Variants in FLT1 observed in about 807,000 individuals in gnomAD.
The protein encoded by FLT1 is fms related receptor tyrosine kinase 1.
FLT1 carries 49 observed loss-of-function variants against 156.3 expected under a neutral mutation model. The observed-to-expected ratio is 0.31, with a 90% CI of 0.25 to 0.40. The LOEUF (loss-of-function observed/expected upper bound fraction) is 0.40, where lower values mean the gene tolerates loss of function less well. Among genes scored for constraint, FLT1 ranks in the 10% least tolerant of loss-of-function variants. The probability of loss-of-function intolerance (pLI) is 1.00; values close to 1 mark genes in which losing one functional copy is unlikely to be tolerated. For synonymous variants in FLT1, 594 were observed against 583.8 expected (o/e 1.02, Z -0.25); for missense variants, 1,322 against 1,637.2 (o/e 0.81, Z 3.32).
chr13:28,327,947 C>T (rs1446902209), intron 19 of FLT1, among the ~76,000 whole-genome samples: 1 of 152,124 alleles, frequency 6.6e-6, no homozygotes, highest in African/African-American at 2.4e-5. Flanking sequence ...TTAAGCAGCT[C>T]CTCCCTCCCT....
At chr13:28,330,752 C>T (rs1377640729) in intron 18 of FLT1, among the ~76,000 whole-genome samples, 5 of 151,572 alleles carry the variant, frequency 3.3e-5, no homozygotes, top group African/African-American at 7.3e-5. Context: ...CTCCCTCTGT[C>T]GCCCAGGCTG....
chr13:28,389,775 C>G (rs902567088), intron 13 of FLT1, 21 bp downstream of exon 13: 23 of 1,613,976 alleles, frequency 1.4e-5, no homozygotes, highest in Non-Finnish European at 1.9e-5. Context: ...GAGAAAACAG[C>G]CTTTTTGTTG....
At chr13:28,342,299 A>G (rs982053655) in intron 16 of FLT1, among the ~76,000 whole-genome samples, 3 of 151,940 alleles carry the variant, frequency 2.0e-5, no homozygotes, top group Non-Finnish European at 4.4e-5. Context: ...CCTTCCAGCT[A>G]CAGCCTTCAA....
intron 14 of FLT1, among the ~76,000 whole-genome samples, chr13:28,383,720 T>C (rs1009673352): frequency 2.0e-5 from 3 of 151,484 alleles, no homozygotes; most frequent in Admixed American, 6.6e-5. Context: ...TCCCAGCCAC[T>C]TGAGAGGCCG....
chr13:28,308,494 A>G, intron 28 of FLT1: 1 of 356,246 alleles, frequency 2.8e-6, no homozygotes. Flanking sequence ...TCTCTGTTAC[A>G]TCACAAAGCC....
At position 28,434,237 on chromosome 13, in the gene FLT1, A is replaced by G. The variant is rs1877893166; in HGVS notation, c.514-17T>C. Reference sequence around the variant, plus strand: ...AAGTGGAAACTGAAAAGGAAGAGGCATGCATTAACAAGGTCCTATTAGCAC... The same window carrying G: ...AAGTGGAAACTGAAAAGGAAGAGGCGTGCATTAACAAGGTCCTATTAGCAC... On this transcript the variant is annotated splice_polypyrimidine_tract_variant and intron_variant, in intron 4 of 29. Transcript: ENST00000282397. 3 of 1,613,282 alleles carry G rather than the reference A, an allele frequency of 1.9e-6. No homozygotes were observed. Among genetic ancestry groups the G allele is most frequent in the Admixed American group, 1.7e-5 (1 of 60,006 alleles).
intron 15 of FLT1, among the ~76,000 whole-genome samples, chr13:28,356,425 A>G (rs1317616656): frequency 6.6e-6 from 1 of 152,202 alleles, no homozygotes; most frequent in Non-Finnish European, 1.5e-5. Context: ...AGAAAAGTGA[A>G]CATAATATTT....
chr13:28,387,101 T>A, intron 13 of FLT1: 1 of 1,035,646 alleles, frequency 9.7e-7, no homozygotes, highest in Non-Finnish European at 1.2e-6. Context: ...TTAACATAAA[T>A]GTCATTAAGA....
At position 28,439,251 on chromosome 13, in the gene FLT1, G is replaced by A. The variant is rs575171089; in HGVS notation, c.389-906C>T. Among the ~76,000 whole-genome samples the A allele has an allele frequency of 2.6e-5, 4 of 152,230 alleles. No homozygotes were observed. Among genetic ancestry groups the A allele is most frequent in the East Asian group, 1.9e-4 (1 of 5,182 alleles). On this transcript the variant is annotated intron_variant, in intron 3 of 29. Coordinates refer to ENST00000282397, the MANE Select transcript of FLT1 (RefSeq NM_002019.4). This position sits in a 1 kb window ranked among gnomAD's most constrained non-coding sequence, Gnocchi z 4.1. ...GACATCCTCAGGCAACGATCTCTTCGGGAGTCATTGTGTTCTGATCGTCCC... is the reference window on the plus strand; with the variant it reads ...GACATCCTCAGGCAACGATCTCTTCAGGAGTCATTGTGTTCTGATCGTCCC...
At chr13:28,345,616 G>T in intron 15 of FLT1, 65 bp from the exon 16 acceptor site, 2 of 1,049,564 alleles carry the variant, frequency 1.9e-6, no homozygotes. Flanking sequence ...AATCTTTGTG[G>T]TTTTATAAAA....
At chr13:28,351,429 G>A (rs578164818) in intron 15 of FLT1, among the ~76,000 whole-genome samples, 22 of 152,200 alleles carry the variant, frequency 1.4e-4, no homozygotes, top group African/African-American at 2.9e-4. Flanking sequence ...CAAGATCCCC[G>A]AGCAACATAA....
intron 24 of FLT1, among the ~76,000 whole-genome samples, chr13:28,318,131 C>T (rs1871280304): frequency 2.0e-5 from 3 of 152,092 alleles, no homozygotes; most frequent in South Asian, 4.2e-4. Context: ...TTGGCTTGGG[C>T]TTCTTTTTAA....
At chr13:28,483,827 T>A (rs1371943008) in intron 1 of FLT1, among the ~76,000 whole-genome samples, 1 of 152,226 alleles carries the variant, frequency 6.6e-6, no homozygotes, top group East Asian at 1.9e-4. Context: ...TATGACAGTT[T>A]TTTTATTCCA....
At chr13:28,379,381 G>A (rs1398341213) in intron 14 of FLT1, among the ~76,000 whole-genome samples, 9 of 152,120 alleles carry the variant, frequency 5.9e-5, no homozygotes, top group Non-Finnish European at 1.2e-4. Flanking sequence ...GGAGAATAAC[G>A]TAGTGAGAGG....
rs78803191 is a variant in FLT1, at chr13:28,399,207, A to T, written c.1552-2139T>A. 207 of 799,322 alleles carry T rather than the reference A, an allele frequency of 2.6e-4. No homozygotes were observed. The East Asian group carries it at 4.1e-3, about 16-fold the overall frequency. 49.5% of individuals were successfully genotyped at this position (799,322 alleles called of 1,614,324 possible). On this transcript the variant is annotated intron_variant, in intron 11 of 29. Coordinates refer to ENST00000282397, the MANE Select transcript of FLT1 (RefSeq NM_002019.4). ...GACCCTTCAAAGCAGTATGCAAAAA[A>T]TTCAGAAACAAGGAGCTCAGATGAA...
At chr13:28,391,481 C>A (rs115605697) in intron 12 of FLT1, among the ~76,000 whole-genome samples, 23 of 152,332 alleles carry the variant, frequency 1.5e-4, no homozygotes, top group African/African-American at 5.5e-4. Flanking sequence ...GACCTGGAAG[C>A]CCCCTCCCCA....
chr13:28,384,448 C>CAAAAAAAAAAA (rs79860949), intron 14 of FLT1, among the ~76,000 whole-genome samples: 2 of 60,280 alleles, frequency 3.3e-5, no homozygotes, highest in African/African-American at 1.1e-4. Context: ...GACTCCATCT[C>CAAAAAAAAAAA]AAAAAAAAAA....
chr13:28,486,732 C>G lies in FLT1; in HGVS notation c.64+8048G>C, dbSNP rs571128893. 1.1e-4 allele frequency among the ~76,000 whole-genome samples: 17 copies of G among 152,358 alleles called. No homozygotes were observed. The South Asian group carries it at 1.2e-3, about 11-fold the overall frequency. On this transcript the variant is annotated intron_variant, in intron 1 of 29. Transcript: ENST00000282397. ...TTGATTCAATGCCCTGGCATTTGAT[C>G]TAAGTATTCTTTCTTGCACACTCTA...
chr13:28,319,651 C>T, intron 23 of FLT1, 117 bp from the exon 24 acceptor site: 2 of 699,436 alleles, frequency 2.9e-6, no homozygotes, highest in Non-Finnish European at 5.3e-6. Context: ...TTTCCGAGAG[C>T]AGCTCTGGTT....
Sources: gnomAD v4.1 joint callset for allele counts (sites outside exome capture counted in the v4.1 genomes callset) on GRCh38, gnomAD v4.1.1 for gene constraint, Gnocchi (gnomAD v3.1) non-coding constraint, MANE v1.5 for transcripts, NCBI Gene and HGNC (gene_info 2026-07-23, HGNC 2026-07-21) for gene names.